Variants in ARL8B observed in about 807,000 individuals in gnomAD.
ARL8B encodes ADP-ribosylation factor-like protein 8B.
Under a neutral mutation model 30.6 loss-of-function variants are expected in ARL8B, and 9 were observed. The ratio of observed to expected loss-of-function variants is 0.29; its 90% CI spans 0.18 to 0.51. ARL8B has a LOEUF of 0.51. Among genes scored for constraint, ARL8B ranks in the 20% least tolerant of loss-of-function variants. ARL8B has a pLI of 0.97. For synonymous variants in ARL8B, 74 were observed against 76.0 expected, an observed-to-expected ratio of 0.97 and a Z score of 0.14; for missense variants, 130 against 227.2, an observed-to-expected ratio of 0.57 and a Z score of 2.75.
At chr3:5,144,224 G>C (rs2054400296) in intron 1 of ARL8B, among the ~76,000 whole-genome samples, 1 of 152,148 alleles carries the variant, frequency 6.6e-6, no homozygotes, top group Non-Finnish European at 1.5e-5. Context: ...TGGCTGTTGG[G>C]AGTGGAAAGA....
intron 1 of ARL8B, among the ~76,000 whole-genome samples, chr3:5,151,722 C>A (rs1391326374): frequency 9.8e-6 from 1 of 102,228 alleles, no homozygotes; most frequent in South Asian, 3.6e-4. Context: ...TCTCCCCCCA[C>A]CCCCCCCCTT....
chr3:5,164,433 T>C, intron 1 of ARL8B, among the ~76,000 whole-genome samples: 1 of 152,304 alleles, frequency 6.6e-6, no homozygotes, highest in Middle Eastern at 3.4e-3. Flanking sequence ...TTGGAAATTA[T>C]TTAAAATTTA....
intron 1 of ARL8B, among the ~76,000 whole-genome samples, chr3:5,169,955 A>C (rs1333153822): frequency 6.6e-6 from 1 of 152,206 alleles, no homozygotes; most frequent in Non-Finnish European, 1.5e-5. Context: ...ATACATGTGT[A>C]TGTGGCTAGC....
chr3:5,175,145 G>C (rs2054718300), intron 6 of ARL8B, among the ~76,000 whole-genome samples: 1 of 152,034 alleles, frequency 6.6e-6, no homozygotes, highest in Non-Finnish European at 1.5e-5. Context: ...AGAGGAAATT[G>C]CACTTTTAAG....
chr3:5,131,441 A>G (rs2054282966), intron 1 of ARL8B, among the ~76,000 whole-genome samples: 1 of 151,500 alleles, frequency 6.6e-6, no homozygotes, highest in Non-Finnish European at 1.5e-5. Context: ...CCCAGGCTGG[A>G]GTGCAGTGGC....
intron 6 of ARL8B, among the ~76,000 whole-genome samples, chr3:5,176,626 A>T (rs189600139): frequency 1.6e-4 from 25 of 152,360 alleles, no homozygotes; most frequent in African/African-American, 5.8e-4. Flanking sequence ...CAGCCTTAGT[A>T]ACAGCGGATA....
chr3:5,172,636 ATTT>A lies in ARL8B; in HGVS notation c.279-6_279-4del. On this transcript the variant is annotated splice_region_variant and splice_polypyrimidine_tract_variant and intron_variant, in intron 3 of 6. Coordinates refer to ENST00000256496, the MANE Select transcript of ARL8B (RefSeq NM_018184.3). ...AGAGAAGGTATGTTGAGATCACTTC[ATTT>A]TTTTAAGTTACATGATAGATGCTGC... is the stretch of plus-strand genomic sequence containing the variant. 6.3e-7 allele frequency: 1 copy of A among 1,599,370 alleles called. No individual in the cohort carries two copies. The highest frequency in any genetic ancestry group is 8.6e-7 in the Non-Finnish European group (1 of 1,168,162).
At chr3:5,137,170 C>T (rs1305062875) in intron 1 of ARL8B, among the ~76,000 whole-genome samples, 1 of 152,076 alleles carries the variant, frequency 6.6e-6, no homozygotes, top group African/African-American at 2.4e-5. Flanking sequence ...GGGATTTGGG[C>T]ATGAGAATAC....
At chr3:5,153,904 A>G (rs932834637) in intron 1 of ARL8B, among the ~76,000 whole-genome samples, 5 of 150,710 alleles carry the variant, frequency 3.3e-5, no homozygotes, top group Admixed American at 3.3e-4. Context: ...ATTTTTGCTG[A>G]ATATAGAATT....
intron 2 of ARL8B, 45 bp downstream of exon 2, chr3:5,170,628 C>G: frequency 7.0e-7 from 1 of 1,423,968 alleles, no homozygotes; most frequent in South Asian, 1.3e-5. Context: ...TTAGCACAGA[C>G]CCCTAGAAAT....
At chr3:5,140,692 G>A (rs2054365696) in intron 1 of ARL8B, among the ~76,000 whole-genome samples, 1 of 152,128 alleles carries the variant, frequency 6.6e-6, no homozygotes, top group Non-Finnish European at 1.5e-5. Context: ...GGCTGTATGT[G>A]TGCAGCCGTA....
chr3:5,124,255 AATTTTTTTT>A (rs2054209534), intron 1 of ARL8B, among the ~76,000 whole-genome samples: 1 of 133,662 alleles, frequency 7.5e-6, no homozygotes, highest in African/African-American at 2.9e-5. Flanking sequence ...TAATACCACT[AATTTTTTTT>A]TTTTTTTTTT....
intron 1 of ARL8B, among the ~76,000 whole-genome samples, chr3:5,136,683 A>T (rs1352382171): frequency 6.6e-6 from 1 of 152,238 alleles, no homozygotes; most frequent in Non-Finnish European, 1.5e-5. Flanking sequence ...TAGCTAGTGA[A>T]ATTACAGCAG....
intron 1 of ARL8B, among the ~76,000 whole-genome samples, chr3:5,163,743 G>A (rs1472547721): frequency 4.6e-5 from 7 of 152,082 alleles, no homozygotes; most frequent in South Asian, 2.1e-4. Context: ...GGTGGCACGC[G>A]CGTGTAATCC....
At chr3:5,178,186 C>T (rs1469969888) in intron 6 of ARL8B, among the ~76,000 whole-genome samples, 1 of 152,130 alleles carries the variant, frequency 6.6e-6, no homozygotes. Flanking sequence ...GTATCACTCA[C>T]AATCCATCCA....
At chr3:5,155,710 T>C (rs2054526715) in intron 1 of ARL8B, among the ~76,000 whole-genome samples, 1 of 135,878 alleles carries the variant, frequency 7.4e-6, no homozygotes, top group Non-Finnish European at 1.6e-5. Flanking sequence ...CGTGTTCCTC[T>C]AGTAAATTTT....
rs2054491665 is a variant in ARL8B at position 5,152,249 on chromosome 3, T to G, written c.124-18254T>G. ...TTCTATCAATTTTTGCTTTATGTGT[T>G]TTGAAGTTTTGTTAGGTGCATACTC... On this transcript the variant is annotated intron_variant, in intron 1 of 6. Coordinates refer to ENST00000256496, the MANE Select transcript of ARL8B (RefSeq NM_018184.3). Among the ~76,000 whole-genome samples the G allele has an allele frequency of 2.0e-5, 3 of 152,344 alleles. 1 individual carries two copies. The highest frequency in any genetic ancestry group is 6.8e-3 in the Middle Eastern group (2 of 294).
intron 1 of ARL8B, among the ~76,000 whole-genome samples, chr3:5,136,181 C>T (rs915650972): frequency 5.3e-5 from 8 of 151,900 alleles, no homozygotes; most frequent in South Asian, 4.2e-4. Flanking sequence ...CTTGGCTCAC[C>T]GCAGCCTCTG....
At chr3:5,169,072 G>A (rs2054647606) in intron 1 of ARL8B, among the ~76,000 whole-genome samples, 1 of 152,092 alleles carries the variant, frequency 6.6e-6, no homozygotes, top group Admixed American at 6.6e-5. Flanking sequence ...ATGATGACTA[G>A]TTTTTTAAAA....
Sources: allele counts gnomAD v4.1 joint callset (sites outside exome capture counted in the v4.1 genomes callset), GRCh38; gene constraint gnomAD v4.1.1; transcripts MANE v1.5; gene names NCBI Gene and HGNC (gene_info 2026-07-23, HGNC 2026-07-21).